MGAT4C: variants seen among roughly 807,000 people sequenced by gnomAD.
The protein encoded by MGAT4C is alpha-1,3-mannosyl-glycoprotein 4-beta-N-acetylglucosaminyltransferase C.
A neutral mutation model predicts 40.1 loss-of-function variants in MGAT4C; 19 were observed. The observed-to-expected ratio is 0.47, with a 90% CI of 0.33 to 0.70. The LOEUF (loss-of-function observed/expected upper bound fraction) is 0.70, where lower values mean the gene tolerates loss of function less well. MGAT4C is among the 30% of genes least tolerant of loss of function. MGAT4C has a pLI of 0.02. For synonymous variants in MGAT4C, 181 were observed against 187.1 expected, an observed-to-expected ratio of 0.97 and a Z score of 0.27; for missense variants, 491 against 563.2, an observed-to-expected ratio of 0.87 and a Z score of 1.30.
intron 2 of MGAT4C, among the ~76,000 whole-genome samples, chr12:86,638,501 G>C (rs1178521865): frequency 6.6e-6 from 1 of 151,850 alleles, no homozygotes; most frequent in African/African-American, 2.4e-5. Flanking sequence ...GGACCTTCAT[G>C]ATGGGATTAG....
chr12:86,378,081 A>C (rs1420395420), intron 3 of MGAT4C, among the ~76,000 whole-genome samples: 2 of 152,116 alleles, frequency 1.3e-5, no homozygotes, highest in Non-Finnish European at 2.9e-5. Context: ...CTGTGTGTAT[A>C]TACCACATTT....
intron 3 of MGAT4C, among the ~76,000 whole-genome samples, chr12:86,354,680 C>G (rs919380735): frequency 6.6e-6 from 1 of 152,152 alleles, no homozygotes; most frequent in African/African-American, 2.4e-5. Flanking sequence ...ATTTGGACAA[C>G]AGAGAGTAGT....
chr12:86,261,227 C>T (rs917320246), upstream of MGAT4C, among the ~76,000 whole-genome samples: 7 of 152,068 alleles, frequency 4.6e-5, no homozygotes, highest in African/African-American at 1.4e-4. Context: ...TGCAGCAGAA[C>T]ATATTTAAAA....
At chr12:86,074,964 C>T (rs1381258862) in intron 1 of MGAT4C, among the ~76,000 whole-genome samples, 1 of 152,072 alleles carries the variant, frequency 6.6e-6, no homozygotes, top group Non-Finnish European at 1.5e-5. Context: ...CACAGCCAAA[C>T]CATATCGTTG....
At chr12:86,381,095 G>A (rs1955919272) in intron 3 of MGAT4C, among the ~76,000 whole-genome samples, 1 of 152,072 alleles carries the variant, frequency 6.6e-6, no homozygotes, top group Admixed American at 6.6e-5. Context: ...TATTCATTAA[G>A]AGAAAGCTCA....
chr12:86,035,208 T>C (rs757660506), intron 2 of MGAT4C, among the ~76,000 whole-genome samples: 3 of 150,234 alleles, frequency 2.0e-5, no homozygotes, highest in Non-Finnish European at 4.5e-5. Flanking sequence ...AGCATTTCTA[T>C]TTTTCCACAA....
rs371366488 is a variant in MGAT4C at position 85,967,766 on chromosome 12, G to T, written c.*11523C>A. On this transcript the variant is annotated 3_prime_UTR_variant, in exon 5 of 5. Coordinates refer to ENST00000611864, the MANE Select transcript of MGAT4C (RefSeq NM_001351288.2). ...TAGCCAGAAATGACTGAGAAATTTT[G>T]AGTTGGAATTGATATAGGGGAATCC... 9 of 152,134 alleles carry T rather than the reference G, an allele frequency of 5.9e-5. No homozygotes were observed. The East Asian group carries it at 1.7e-3, about 29-fold the overall frequency. 9.4% of individuals were successfully genotyped at this position (152,134 alleles called of 1,614,324 possible).
At chr12:86,744,536 G>A (rs1048710284) in intron 1 of MGAT4C, among the ~76,000 whole-genome samples, 3 of 151,410 alleles carry the variant, frequency 2.0e-5, no homozygotes, top group Admixed American at 6.6e-5. Context: ...CTGCCTCTCC[G>A]TGGATTGGTT....
chr12:86,681,175 T>C (rs1232092250), intron 2 of MGAT4C, among the ~76,000 whole-genome samples: 2 of 152,030 alleles, frequency 1.3e-5, no homozygotes, highest in Admixed American at 6.6e-5. Context: ...TCTAGCATCA[T>C]ATATTTAAGA....
chr12:86,837,397 C>T (rs1180324572), intron 1 of MGAT4C, among the ~76,000 whole-genome samples: 3 of 152,108 alleles, frequency 2.0e-5, no homozygotes, highest in African/African-American at 7.2e-5. Flanking sequence ...ATCCTTCCCT[C>T]TTTCCTTTGT....
chr12:86,640,982 T>C (rs945305223), intron 2 of MGAT4C, among the ~76,000 whole-genome samples: 4 of 152,016 alleles, frequency 2.6e-5, no homozygotes, highest in Admixed American at 2.6e-4. Flanking sequence ...TTGTTATAAT[T>C]TCTGTTCTTG....
At chr12:86,820,444 A>G (rs963794063) in intron 1 of MGAT4C, among the ~76,000 whole-genome samples, 10 of 150,838 alleles carry the variant, frequency 6.6e-5, no homozygotes, top group Non-Finnish European at 1.5e-4. Flanking sequence ...CGATTGACTT[A>G]TGAGACTTAG....
At chr12:86,542,890 TA>T (rs1959175307) in intron 2 of MGAT4C, among the ~76,000 whole-genome samples, 2 of 152,200 alleles carry the variant, frequency 1.3e-5, no homozygotes, top group Non-Finnish European at 2.9e-5. Flanking sequence ...CCTTTAAACT[TA>T]AAAACATTTT....
At chr12:86,819,029 A>G (rs999611082) in intron 1 of MGAT4C, among the ~76,000 whole-genome samples, 1 of 151,032 alleles carries the variant, frequency 6.6e-6, no homozygotes, top group Non-Finnish European at 1.5e-5. Flanking sequence ...TTCCTGGTGC[A>G]AATGCAAAAT....
intron 3 of MGAT4C, among the ~76,000 whole-genome samples, chr12:86,348,903 T>C (rs1320022334): frequency 1.3e-5 from 2 of 152,094 alleles, no homozygotes; most frequent in Admixed American, 6.6e-5. Context: ...ATAGATTTTA[T>C]TTTAAATAAT....
intron 2 of MGAT4C, among the ~76,000 whole-genome samples, chr12:86,615,612 G>C (rs1480624310): frequency 6.6e-6 from 1 of 152,008 alleles, no homozygotes; most frequent in Non-Finnish European, 1.5e-5. Context: ...GAGAAATAAG[G>C]TTAACTCTTT....
intron 2 of MGAT4C, among the ~76,000 whole-genome samples, chr12:86,693,411 G>A (rs1413467296): frequency 6.6e-6 from 1 of 152,052 alleles, no homozygotes; most frequent in East Asian, 1.9e-4. Context: ...AAAATTGGAG[G>A]CCAAACTATG....
chr12:86,284,395 G>A (rs905213428), intron 4 of MGAT4C, among the ~76,000 whole-genome samples: 7 of 151,900 alleles, frequency 4.6e-5, no homozygotes, highest in Non-Finnish European at 8.8e-5. Flanking sequence ...TCTTCTAGAA[G>A]TAGTGATTTC....
At chr12:86,450,820 A>C (rs1165472985) in intron 2 of MGAT4C, among the ~76,000 whole-genome samples, 1 of 152,124 alleles carries the variant, frequency 6.6e-6, no homozygotes, top group Non-Finnish European at 1.5e-5. Context: ...TTTCTTACAT[A>C]CACGTTTGTA....
Sources: gnomAD v4.1 joint callset for allele counts (sites outside exome capture counted in the v4.1 genomes callset) on GRCh38, gnomAD v4.1.1 for gene constraint, MANE v1.5 for transcripts, NCBI Gene and HGNC (gene_info 2026-07-23, HGNC 2026-07-21) for gene names.